DAB1: variants seen among roughly 807,000 people sequenced by gnomAD.
DAB1 encodes the protein DAB adaptor protein 1, also known as disabled homolog 1.
DAB1 carries 15 observed loss-of-function variants against 64.6 expected under a neutral mutation model. The ratio of observed to expected loss-of-function variants is 0.23; its 90% CI spans 0.16 to 0.36. DAB1 has a LOEUF of 0.36. DAB1 is among the 10% of genes least tolerant of loss of function. DAB1 has a pLI of 1.00. For missense variants in DAB1, 596 were observed against 706.7 expected (o/e 0.84, Z 1.78); for synonymous variants, 235 against 251.9 (o/e 0.93, Z 0.64).
At chr1:58,472,683 G>T (rs528753904) in intron 3 of DAB1, among the ~76,000 whole-genome samples, 10 of 152,302 alleles carry the variant, frequency 6.6e-5, no homozygotes, top group Admixed American at 5.9e-4. Flanking sequence ...AATCCAAGGT[G>T]GGTAATGGCT....
intron 4 of DAB1, among the ~76,000 whole-genome samples, chr1:57,083,234 C>T (rs1453258865): frequency 6.6e-6 from 1 of 152,174 alleles, no homozygotes; most frequent in African/African-American, 2.4e-5. Flanking sequence ...GTCACACAGC[C>T]CATAAGGCAG....
At chr1:57,643,228 T>A (rs1279955325) in intron 7 of DAB1, among the ~76,000 whole-genome samples, 3 of 152,178 alleles carry the variant, frequency 2.0e-5, no homozygotes, top group African/African-American at 7.2e-5. Flanking sequence ...ACTTTAAGAA[T>A]AAGATGTTCC....
intron 2 of DAB1, among the ~76,000 whole-genome samples, chr1:57,173,813 T>G (rs1662026526): frequency 1.3e-5 from 2 of 152,214 alleles, no homozygotes; most frequent in Non-Finnish European, 2.9e-5. Context: ...AGTACATTTT[T>G]TTTTTCACCA....
chr1:57,839,393 A>G (rs1056738153), intron 1 of DAB1, among the ~76,000 whole-genome samples: 135 of 152,232 alleles, frequency 8.9e-4, no homozygotes, highest in African/African-American at 3.2e-3. Flanking sequence ...GATCTCTCCT[A>G]TTCTTCTCTG....
At chr1:57,131,769 T>C (rs1358379011) in intron 4 of DAB1, among the ~76,000 whole-genome samples, 1 of 152,156 alleles carries the variant, frequency 6.6e-6, no homozygotes, top group Non-Finnish European at 1.5e-5. Context: ...AGGGACAATA[T>C]TGAATCCTGG....
At chr1:57,707,096 A>C (rs760069196) in intron 6 of DAB1, among the ~76,000 whole-genome samples, 35 of 151,892 alleles carry the variant, frequency 2.3e-4, no homozygotes, top group Non-Finnish European at 4.1e-4. Context: ...AACAAACAAA[A>C]AAACCCCCCA....
At chr1:57,706,629 T>C (rs1257053376) in intron 6 of DAB1, among the ~76,000 whole-genome samples, 1 of 152,116 alleles carries the variant, frequency 6.6e-6, no homozygotes, top group Non-Finnish European at 1.5e-5. Flanking sequence ...CACATGTTTA[T>C]CAATATCTTT....
In DAB1 at chr1:58,321,430, C is replaced by T. The variant is rs149576083; in HGVS notation, n.309+21922G>A. Among the ~76,000 whole-genome samples, 923 of 152,276 alleles carry T rather than the reference C, an allele frequency of 6.1e-3. 19 individuals are homozygous for T. In the East Asian group the frequency reaches 0.065, roughly 11 times the overall value. On this transcript the variant is annotated intron_variant and non_coding_transcript_variant, in intron 4 of 20. Transcript: ENST00000485760. ...CTGGTTGGACAGTGGGTGCAGCCCA[C>T]GGAGGGCAAGCCGAAGCAGGGCGAG...
chr1:57,944,612 T>G (rs1645156713), intron 5 of DAB1, among the ~76,000 whole-genome samples: 1 of 152,076 alleles, frequency 6.6e-6, no homozygotes, highest in African/African-American at 2.4e-5. Context: ...GCAGGGGACC[T>G]CCAAAAAAAA....
intron 6 of DAB1, among the ~76,000 whole-genome samples, chr1:57,772,632 C>T (rs1218799457): frequency 6.6e-6 from 1 of 152,050 alleles, no homozygotes; most frequent in Non-Finnish European, 1.5e-5. Flanking sequence ...TTTACACTCC[C>T]ACCAACAATG....
At chr1:57,111,617 T>A (rs921211820) in intron 4 of DAB1, among the ~76,000 whole-genome samples, 8 of 152,166 alleles carry the variant, frequency 5.3e-5, no homozygotes, top group Non-Finnish European at 1.2e-4. Flanking sequence ...CCCTGTCTCA[T>A]CCCATCTAAT....
chr1:57,363,974 C>T (rs1201044568), intron 1 of DAB1, among the ~76,000 whole-genome samples: 1 of 152,136 alleles, frequency 6.6e-6, no homozygotes, highest in Non-Finnish European at 1.5e-5. Context: ...ATTGAATATC[C>T]ATTCCTATTT....
chr1:57,582,069 A>G (rs1200275102), intron 7 of DAB1, among the ~76,000 whole-genome samples: 1 of 151,982 alleles, frequency 6.6e-6, no homozygotes, highest in Non-Finnish European at 1.5e-5. Context: ...GTCTCTTCCT[A>G]CTCTTAAAAG....
chr1:57,276,192 GA>G (rs1671444832), intron 2 of DAB1, among the ~76,000 whole-genome samples: 1 of 152,180 alleles, frequency 6.6e-6, no homozygotes, highest in Non-Finnish European at 1.5e-5. Flanking sequence ...AATACTGAAA[GA>G]AAATATACCT....
At chr1:58,392,177 G>C (rs338933) in intron 3 of DAB1, among the ~76,000 whole-genome samples, 111,332 of 152,046 alleles carry the variant, frequency 0.73, 42,061 homozygotes, top group African/African-American at 0.93. Context: ...GAGTTGAGGG[G>C]AAGAAAGATA....
At chr1:57,573,292 A>G (rs866137576) in intron 7 of DAB1, among the ~76,000 whole-genome samples, 1 of 151,776 alleles carries the variant, frequency 6.6e-6, no homozygotes, top group African/African-American at 2.4e-5. Flanking sequence ...TGGTCTCACT[A>G]TTTTCCCCAG....
chr1:58,328,927 G>A (rs536064721), intron 4 of DAB1, among the ~76,000 whole-genome samples: 9 of 152,080 alleles, frequency 5.9e-5, no homozygotes, highest in Admixed American at 5.2e-4. Flanking sequence ...CTTAAATGTC[G>A]CTTCCTCTGA....
At position 57,007,030 on chromosome 1, in the gene DAB1, C is replaced by T. The variant is rs550900304; in HGVS notation, c.*15+3650G>A. On this transcript the variant is annotated intron_variant, in intron 14 of 14. Transcript: ENST00000371236. ...CTTCCCTCCCTACCTCCTTTTTTTT[C>T]TCTCTCTCTCTTCCTCTCTCACTCT... Among the ~76,000 whole-genome samples the T allele has an allele frequency of 3.8e-4, 58 of 150,758 alleles. No individual in the cohort carries two copies. The Middle Eastern group carries it at 0.017, about 44-fold the overall frequency.
At chr1:58,465,117 A>G (rs572372829) in intron 3 of DAB1, among the ~76,000 whole-genome samples, 1 of 152,350 alleles carries the variant, frequency 6.6e-6, no homozygotes, top group South Asian at 2.1e-4. Flanking sequence ...TTTATCAAAT[A>G]AGAAAAGTAC....
Sources: allele counts gnomAD v4.1 joint callset (sites outside exome capture counted in the v4.1 genomes callset), GRCh38; gene constraint gnomAD v4.1.1; transcripts MANE v1.5; gene names NCBI Gene and HGNC (gene_info 2026-07-23, HGNC 2026-07-21).